Variants in PALS2 observed in about 807,000 individuals in gnomAD.
PALS2 encodes protein PALS2.
A neutral mutation model predicts 61.6 loss-of-function variants in PALS2; 27 were observed. That is an observed-to-expected ratio of 0.44 (90% CI 0.32 to 0.60). PALS2 has a LOEUF of 0.60. Among genes scored for constraint, PALS2 ranks in the 20% least tolerant of loss-of-function variants. PALS2 has a pLI of 0.05. For synonymous variants in PALS2, 236 were observed against 218.6 expected (o/e 1.08, Z -0.70); for missense variants, 554 against 639.4 (o/e 0.87, Z 1.44).
chr7:24,627,423 A>T (rs896083085), intron 2 of PALS2, among the ~76,000 whole-genome samples: 1 of 152,336 alleles, frequency 6.6e-6, no homozygotes. Context: ...AAGATCTAAA[A>T]TCAACACCCT....
rs368420050 is a variant in PALS2 at position 24,626,721 on chromosome 7, C to T, written c.117+2937C>T. 4.5e-4 allele frequency among the ~76,000 whole-genome samples: 68 copies of T among 152,124 alleles called. 1 individual carries two copies. The highest frequency in any genetic ancestry group is 3.4e-3 in the Middle Eastern group (1 of 294). ...ATGTAAAGCAAAAAAAAAGGGATTG[C>T]GATCCTAATCTCTGATAAAACAGAC... On this transcript the variant is annotated intron_variant, in intron 2 of 11. Transcript: ENST00000222644.
chr7:24,664,164 A>G (rs1022655087), intron 6 of PALS2, among the ~76,000 whole-genome samples: 1 of 152,096 alleles, frequency 6.6e-6, no homozygotes, highest in Non-Finnish European at 1.5e-5. Context: ...TTAAGGTCTT[A>G]ATGTCTATTT....
At chr7:24,646,152 C>G (rs1259390965) in intron 3 of PALS2, among the ~76,000 whole-genome samples, 5 of 152,106 alleles carry the variant, frequency 3.3e-5, no homozygotes, top group African/African-American at 1.2e-4. Context: ...ATTTGTTTCT[C>G]TTGCCTGATT....
At chr7:24,632,179 CTT>C (rs1017988384) in intron 2 of PALS2, among the ~76,000 whole-genome samples, 2 of 152,214 alleles carry the variant, frequency 1.3e-5, no homozygotes, top group Non-Finnish European at 2.9e-5. Flanking sequence ...AGAATCAACT[CTT>C]ATCGTTATGT....
At chr7:24,675,382 T>G (rs1441145394) in intron 9 of PALS2, among the ~76,000 whole-genome samples, 1 of 140,838 alleles carries the variant, frequency 7.1e-6, no homozygotes, top group East Asian at 3.0e-4. Context: ...TTTTTAAGGT[T>G]TTTTTTTTTC....
chr7:24,600,504 T>C (rs979683087), intron 1 of PALS2, among the ~76,000 whole-genome samples: 1 of 152,216 alleles, frequency 6.6e-6, no homozygotes, highest in African/African-American at 2.4e-5. Context: ...TATGTTTGAT[T>C]GTAGGTCAAT....
Position 24,588,116 on chromosome 7 carries a change from G to A in PALS2, c.-3+14523G>A, listed in dbSNP as rs75302850. Among the ~76,000 whole-genome samples, 340 of 152,206 alleles carry A rather than the reference G, an allele frequency of 2.2e-3. 2 individuals are homozygous for A. Among genetic ancestry groups the A allele is most frequent in the African/African-American group, 7.7e-3 (319 of 41,528 alleles). On this transcript the variant is annotated intron_variant, in intron 1 of 11. Transcript: ENST00000222644. ...ACCCCACAACAAAGAATTATCTGGC[G>A]CCAACTGACAGCAGTGCGAAGATTG...
At chr7:24,678,262 A>G (rs1787728795) in intron 9 of PALS2, among the ~76,000 whole-genome samples, 1 of 152,206 alleles carries the variant, frequency 6.6e-6, no homozygotes, top group Non-Finnish European at 1.5e-5. Flanking sequence ...TATGTCTCTG[A>G]AAGTATTCAA....
Position 24,650,622 on chromosome 7 carries a change from A to T in PALS2, c.561A>T (p.Pro187=). 1 of 1,612,728 alleles carries T rather than the reference A, an allele frequency of 6.2e-7. No homozygotes were observed. Among genetic ancestry groups the T allele is most frequent in the Non-Finnish European group, 8.5e-7 (1 of 1,178,918 alleles). The part of the protein sequence containing the change: ...EVNGHEVGNN[P]KELQELLKNI... The stretch of plus-strand genomic sequence containing the variant: ...ATGGCCATGAGGTTGGAAATAATCC[A>T]AAGGAATTACAAGAATTACTGAAAA... Residue 187 remains proline, a synonymous_variant, in exon 5 of 12, where the codon CCA becomes CCT. Coordinates refer to ENST00000222644, the MANE Select transcript of PALS2 (RefSeq NM_001303037.2).
intron 1 of PALS2, among the ~76,000 whole-genome samples, chr7:24,613,426 C>T (rs1223974899): frequency 2.0e-5 from 3 of 151,482 alleles, no homozygotes; most frequent in Admixed American, 6.6e-5. Flanking sequence ...TTTCTCATCT[C>T]GTTTCTAATG....
At chr7:24,579,175 A>G (rs1275680751) in intron 1 of PALS2, among the ~76,000 whole-genome samples, 1 of 152,232 alleles carries the variant, frequency 6.6e-6, no homozygotes, top group Non-Finnish European at 1.5e-5. Flanking sequence ...GCATCTGTAA[A>G]GGTATTCAAC....
At chr7:24,684,437 T>A (rs1438996753) in intron 11 of PALS2, among the ~76,000 whole-genome samples, 1 of 152,188 alleles carries the variant, frequency 6.6e-6, no homozygotes, top group Non-Finnish European at 1.5e-5. Context: ...GGCTTCTGAG[T>A]CTTTTTAACA....
At chr7:24,632,979 A>G (rs1785065222) in intron 2 of PALS2, among the ~76,000 whole-genome samples, 1 of 151,996 alleles carries the variant, frequency 6.6e-6, no homozygotes, top group Admixed American at 6.6e-5. Context: ...ATAACATCAT[A>G]CCACTTACAG....
chr7:24,668,732 T>C (rs774611368), intron 9 of PALS2, 72 bp downstream of exon 9: 45 of 1,509,788 alleles, frequency 3.0e-5, no homozygotes, highest in Non-Finnish European at 3.9e-5. Context: ...AAAGGGGGAT[T>C]ATTATCATTA....
chr7:24,673,991 A>G (rs1477640240), intron 9 of PALS2, among the ~76,000 whole-genome samples: 2 of 151,790 alleles, frequency 1.3e-5, no homozygotes, highest in Non-Finnish European at 2.9e-5. Context: ...AATACTTTTG[A>G]GTGGGTTTTT....
chr7:24,661,131 G>T (rs1786698406), intron 5 of PALS2, among the ~76,000 whole-genome samples: 1 of 152,002 alleles, frequency 6.6e-6, no homozygotes, highest in South Asian at 2.1e-4. Context: ...TAGCCTATAA[G>T]TGCAACACTT....
intron 2 of PALS2, among the ~76,000 whole-genome samples, chr7:24,629,358 A>C (rs1036584385): frequency 3.9e-5 from 6 of 152,214 alleles, no homozygotes; most frequent in African/African-American, 1.4e-4. Context: ...TAAAGACTTA[A>C]ACGTAAGACC....
At chr7:24,629,846 G>A (rs902078845) in intron 2 of PALS2, among the ~76,000 whole-genome samples, 2 of 152,214 alleles carry the variant, frequency 1.3e-5, no homozygotes, top group African/African-American at 2.4e-5. Context: ...TGAAGAGGAT[G>A]TGGAGAAATA....
intron 6 of PALS2, among the ~76,000 whole-genome samples, chr7:24,664,476 G>C (rs1192032517): frequency 6.6e-6 from 1 of 152,120 alleles, no homozygotes; most frequent in Non-Finnish European, 1.5e-5. Context: ...CAAAGCAAAT[G>C]AGAGTTTTAC....
Sources: allele counts gnomAD v4.1 joint callset (sites outside exome capture counted in the v4.1 genomes callset), GRCh38; gene constraint gnomAD v4.1.1; transcripts MANE v1.5; gene names NCBI Gene and HGNC (gene_info 2026-07-23, HGNC 2026-07-21).